Variants in ABTB2 observed in about 807,000 individuals in gnomAD.
The protein encoded by ABTB2 is ankyrin repeat and BTB/POZ domain-containing protein 2.
ABTB2 carries 56 observed loss-of-function variants against 104.1 expected under a neutral mutation model. The ratio of observed to expected loss-of-function variants is 0.54; its 90% CI spans 0.43 to 0.67. The LOEUF (loss-of-function observed/expected upper bound fraction) is 0.67. Among genes scored for constraint, ABTB2 ranks in the 30% least tolerant of loss-of-function variants. The probability of loss-of-function intolerance (pLI) is 0.00; values close to 1 mark genes in which losing one functional copy is unlikely to be tolerated. For missense variants in ABTB2, 1,279 were observed against 1,407.7 expected, an observed-to-expected ratio of 0.91 and a Z score of 1.46; for synonymous variants, 606 against 608.2, an observed-to-expected ratio of 1.00 and a Z score of 0.05.
At chr11:34,178,570 C>T (rs1852984953) in intron 3 of ABTB2, among the ~76,000 whole-genome samples, 1 of 152,256 alleles carries the variant, frequency 6.6e-6, no homozygotes, top group Non-Finnish European at 1.5e-5. Context: ...AAGAAGTTCT[C>T]ATTCCCCGCT....
At chr11:34,290,389 C>T (rs1854554155) in intron 1 of ABTB2, among the ~76,000 whole-genome samples, 1 of 152,252 alleles carries the variant, frequency 6.6e-6, no homozygotes, top group Non-Finnish European at 1.5e-5. Flanking sequence ...CCATGCCAAT[C>T]CCAGTAACCC....
At chr11:34,299,642 C>T (rs574059874) in intron 1 of ABTB2, among the ~76,000 whole-genome samples, 73 of 152,286 alleles carry the variant, frequency 4.8e-4, no homozygotes, top group African/African-American at 1.6e-3. Flanking sequence ...TTCAGGAGGA[C>T]GGATTTTTTC....
chr11:34,175,041 C>T (rs978750697), intron 3 of ABTB2, among the ~76,000 whole-genome samples: 12 of 152,382 alleles, frequency 7.9e-5, no homozygotes, highest in African/African-American at 2.9e-4. Flanking sequence ...CTCCCCTTGA[C>T]ATGCAGCTAA....
chr11:34,204,631 C>T lies in ABTB2; in HGVS notation c.943G>A (p.Glu315Lys), dbSNP rs780872391. 28 of 1,612,090 alleles carry T rather than the reference C, an allele frequency of 1.7e-5. No individual in the cohort carries two copies. The highest frequency in any genetic ancestry group is 2.2e-5 in the East Asian group (1 of 44,780). ...PYNGGSLGHD[E>K]RADAYAQLEL... Reference sequence around the variant, plus strand: ...AGCTGGGCATAGGCATCGGCTCGCTCGTCATGGCCCAGGGACCCGCCGTTG... The same window carrying T: ...AGCTGGGCATAGGCATCGGCTCGCTTGTCATGGCCCAGGGACCCGCCGTTG... Residue 315 changes from glutamate (E) to lysine (K), a missense_variant, in exon 2 of 17, where the codon GAG (glutamate) becomes AAG (lysine). Transcript: ENST00000435224.
intron 1 of ABTB2, among the ~76,000 whole-genome samples, chr11:34,221,745 A>T (rs1318127583): frequency 1.3e-5 from 2 of 152,314 alleles, no homozygotes; most frequent in African/African-American, 4.8e-5. Context: ...CTTAATTTTA[A>T]TTTAAAAACT....
At chr11:34,206,615 C>T (rs1853410599) in intron 1 of ABTB2, among the ~76,000 whole-genome samples, 1 of 152,182 alleles carries the variant, frequency 6.6e-6, no homozygotes. Flanking sequence ...TTATGTGTGG[C>T]TGGTGCATAT....
intron 1 of ABTB2, among the ~76,000 whole-genome samples, chr11:34,312,536 A>G (rs1854869893): frequency 6.6e-6 from 1 of 152,202 alleles, no homozygotes; most frequent in African/African-American, 2.4e-5. Context: ...TGTGCCCAGG[A>G]GAGCATTCAG....
At position 34,151,308 on chromosome 11, in the gene ABTB2, A is replaced by G. The variant is rs952007008; in HGVS notation, c.*1079T>C. ...CTGCCCCAGTGTCTGGTCCATAAAT[A>G]TGACAGGTGTCAGGGGAGCCCAGGG... is the stretch of plus-strand genomic sequence containing the variant. On this transcript the variant is annotated 3_prime_UTR_variant, in exon 17 of 17. Transcript: ENST00000435224. The G allele has an allele frequency of 2.0e-5, 3 of 152,210 alleles. No homozygotes were observed. Among genetic ancestry groups the G allele is most frequent in the Non-Finnish European group, 4.4e-5 (3 of 68,044 alleles). The allele number at this position is 152,210 out of a possible 1,614,324, so 9.4% of individuals were successfully genotyped here.
At chr11:34,188,102 T>G (rs949572439) in intron 3 of ABTB2, among the ~76,000 whole-genome samples, 6 of 152,152 alleles carry the variant, frequency 3.9e-5, no homozygotes, top group African/African-American at 1.4e-4. Flanking sequence ...TGGAAATATT[T>G]CAAGTCATTT....
intron 1 of ABTB2, among the ~76,000 whole-genome samples, chr11:34,340,188 T>G (rs1855245777): frequency 6.6e-6 from 1 of 152,214 alleles, no homozygotes; most frequent in African/African-American, 2.4e-5. Flanking sequence ...AAACCCCTTC[T>G]GGGTCGCTTT....
At chr11:34,297,151 T>C (rs1452109422) in intron 1 of ABTB2, among the ~76,000 whole-genome samples, 1 of 152,170 alleles carries the variant, frequency 6.6e-6, no homozygotes, top group East Asian at 1.9e-4. Flanking sequence ...ACGTATTCAT[T>C]TTATATCCCC....
chr11:34,292,205 C>G (rs1249362333), intron 1 of ABTB2, among the ~76,000 whole-genome samples: 1 of 152,132 alleles, frequency 6.6e-6, no homozygotes, highest in African/African-American at 2.4e-5. Flanking sequence ...TACCCTGCTC[C>G]CTCCCCAGTA....
At chr11:34,337,159 G>C (rs1188911376) in intron 1 of ABTB2, among the ~76,000 whole-genome samples, 3 of 152,226 alleles carry the variant, frequency 2.0e-5, no homozygotes, top group Non-Finnish European at 2.9e-5. Flanking sequence ...GCCTGTGCTG[G>C]GCTTGCACCT....
intron 4 of ABTB2, among the ~76,000 whole-genome samples, chr11:34,172,339 T>C (rs1331827360): frequency 2.4e-5 from 3 of 126,094 alleles, no homozygotes; most frequent in African/African-American, 9.6e-5. Flanking sequence ...ACCATTGCAC[T>C]CCAGCCTGGG....
At chr11:34,236,744 G>A (rs1022586843) in intron 1 of ABTB2, among the ~76,000 whole-genome samples, 1 of 152,210 alleles carries the variant, frequency 6.6e-6, no homozygotes, top group African/African-American at 2.4e-5. Context: ...AAGAACCGAG[G>A]AGGGTAGATA....
chr11:34,191,224 G>A (rs981144825), intron 3 of ABTB2, among the ~76,000 whole-genome samples: 1 of 152,136 alleles, frequency 6.6e-6, no homozygotes, highest in Non-Finnish European at 1.5e-5. Flanking sequence ...AACCATGATT[G>A]CACCACTGCA....
At chr11:34,321,050 C>T (rs1038671410) in intron 1 of ABTB2, among the ~76,000 whole-genome samples, 26 of 152,080 alleles carry the variant, frequency 1.7e-4, no homozygotes, top group Non-Finnish European at 2.8e-4. Flanking sequence ...GGCATGGTGG[C>T]GCATGCCTGT....
Position 34,162,776 on chromosome 11 carries a change from G to C in ABTB2, c.2018C>G (p.Pro673Arg). The change falls in exon 10 of 17, where the codon CCA becomes CGA. Residue 673 changes from proline (P) to arginine (R), a missense_variant. Transcript: ENST00000435224. ...CAGCACGTCCGCTTTAGCCTGCTGT[G>C]GCTGCGTCAGGAGCTTCCTCAGGAC... ...RNVLRKLLTQ[P>R]QQAKADVLSL... 1 of 1,606,868 alleles carries C rather than the reference G, an allele frequency of 6.2e-7. No homozygotes were observed. The highest frequency in any genetic ancestry group is 8.5e-7 in the Non-Finnish European group (1 of 1,179,936).
chr11:34,165,416 G>T, intron 7 of ABTB2, 60 bp from the exon 8 acceptor site: 1 of 1,454,094 alleles, frequency 6.9e-7, no homozygotes, highest in Non-Finnish European at 9.4e-7. Flanking sequence ...CCTGGGAAGG[G>T]CCAGGGTGCT....
Sources: allele counts gnomAD v4.1 joint callset (sites outside exome capture counted in the v4.1 genomes callset), GRCh38; gene constraint gnomAD v4.1.1; transcripts MANE v1.5; gene names NCBI Gene and HGNC (gene_info 2026-07-23, HGNC 2026-07-21).